Variants in ARHGAP17 observed in about 807,000 individuals in gnomAD.
The protein encoded by ARHGAP17 is Rho GTPase activating protein 17, also known as rho GTPase-activating protein 17.
In ARHGAP17, 57 loss-of-function variants were observed where a neutral mutation model predicts 99.5. The observed-to-expected ratio is 0.57, with a 90% CI of 0.46 to 0.71. ARHGAP17 has a LOEUF of 0.71. Among genes scored for constraint, ARHGAP17 ranks in the 30% least tolerant of loss-of-function variants. ARHGAP17 has a pLI of 0.00. For missense variants in ARHGAP17, 1,000 were observed against 1,122.4 expected, an observed-to-expected ratio of 0.89 and a Z score of 1.56; for synonymous variants, 417 against 429.6, an observed-to-expected ratio of 0.97 and a Z score of 0.36.
intron 1 of ARHGAP17, 55 bp from the exon 2 acceptor site, chr16:24,979,060 C>T (rs1411684148): frequency 7.8e-7 from 1 of 1,278,978 alleles, no homozygotes; most frequent in African/African-American, 1.5e-5. Context: ...AAGGCAACTC[C>T]TAAAATTTAA....
At chr16:24,941,824 T>C in intron 16 of ARHGAP17, 163 bp downstream of exon 16, 3 of 869,686 alleles carry the variant, frequency 3.4e-6, no homozygotes, top group East Asian at 5.0e-5. Context: ...GTGAGATTAG[T>C]GCTTGGAATG....
intron 14 of ARHGAP17, among the ~76,000 whole-genome samples, chr16:24,944,200 G>A (rs1279772779): frequency 3.3e-5 from 5 of 150,740 alleles, no homozygotes; most frequent in Admixed American, 6.6e-5. Context: ...GAACCCGGAA[G>A]ATGGAGGTTG....
intron 7 of ARHGAP17, among the ~76,000 whole-genome samples, chr16:24,961,380 A>T (rs1355923567): frequency 6.6e-6 from 1 of 151,696 alleles, no homozygotes; most frequent in Non-Finnish European, 1.5e-5. Context: ...GTGAACAGTG[A>T]CAGGCTGAGT....
At chr16:24,979,766 A>G (rs1053659847) in intron 1 of ARHGAP17, among the ~76,000 whole-genome samples, 3 of 152,088 alleles carry the variant, frequency 2.0e-5, no homozygotes, top group African/African-American at 7.2e-5. Context: ...ACTGGACTGC[A>G]GTGGTGTGAT....
rs151118233 is a variant in ARHGAP17 at position 24,943,419 on chromosome 16, T to C, written c.1333+352A>G. On this transcript the variant is annotated intron_variant, in intron 15 of 19. Coordinates refer to ENST00000289968, the MANE Select transcript of ARHGAP17 (RefSeq NM_001006634.3). ...TTTGTCAAATCTTTCTCCATCCACC[T>C]ATCTTCTAATGTGCCTTGTGTTATA... 2.3e-3 allele frequency among the ~76,000 whole-genome samples: 355 copies of C among 152,348 alleles called. 2 individuals carry two copies. The highest frequency in any genetic ancestry group is 8.2e-3 in the African/African-American group (341 of 41,582).
At chr16:25,010,156 G>A (rs1475838649) in intron 1 of ARHGAP17, among the ~76,000 whole-genome samples, 2 of 151,688 alleles carry the variant, frequency 1.3e-5, no homozygotes, top group East Asian at 1.9e-4. Flanking sequence ...GCTCACTGCA[G>A]CCTCGACTTT....
intron 1 of ARHGAP17, among the ~76,000 whole-genome samples, chr16:24,995,002 G>A (rs2053152661): frequency 6.6e-6 from 1 of 152,194 alleles, no homozygotes; most frequent in African/African-American, 2.4e-5. Context: ...CATGGTGGAA[G>A]GGGAAGCAAA....
At chr16:24,953,087 A>G (rs1352677594) in intron 10 of ARHGAP17, 45 bp from the exon 11 acceptor site, 1 of 1,570,752 alleles carries the variant, frequency 6.4e-7, no homozygotes. Context: ...AGGTTGGGAC[A>G]CTCAGACTAA....
intron 15 of ARHGAP17, among the ~76,000 whole-genome samples, chr16:24,942,640 T>C (rs1486753865): frequency 6.6e-6 from 1 of 150,806 alleles, no homozygotes; most frequent in Non-Finnish European, 1.5e-5. Flanking sequence ...TGGTGATGTA[T>C]GCCTGTATTC....
chr16:24,943,838 G>A lies in ARHGAP17; in HGVS notation c.1266C>T (p.Ala422=). ...NEGTLAEMAA[A]TSVHVVAVIE... ...TCACTGCAACCACATGGACGGATGT[G>A]GCTGCTGCCATTTCAGCAAGTGTTC... The change falls in exon 15 of 20, where the codon GCC becomes GCT. Residue 422 remains alanine, a synonymous_variant. Transcript: ENST00000289968. 1 of 1,614,138 alleles carries A rather than the reference G, an allele frequency of 6.2e-7. No individual in the cohort carries two copies. Among genetic ancestry groups the A allele is most frequent in the Non-Finnish European group, 8.5e-7 (1 of 1,180,014 alleles).
At chr16:24,956,114 CGT>C (rs2051800120) in intron 9 of ARHGAP17, 1 of 152,252 alleles carries the variant, frequency 6.6e-6, no homozygotes, top group Non-Finnish European at 1.5e-5. Context: ...AAAATGGCCA[CGT>C]GAGCCTTCCA....
intron 6 of ARHGAP17, 74 bp from the exon 7 acceptor site, chr16:24,964,382 G>A: frequency 2.0e-6 from 2 of 995,252 alleles, no homozygotes; most frequent in Non-Finnish European, 3.1e-6. Context: ...GGACCTGGTG[G>A]AGATAGATCC....
chr16:24,979,704 T>TTTATTATGATTA (rs2052617571), intron 1 of ARHGAP17, among the ~76,000 whole-genome samples: 1 of 150,508 alleles, frequency 6.6e-6, no homozygotes, highest in Admixed American at 6.6e-5. Flanking sequence ...TAATTTTTAT[T>TTTATTATGATTA]TTATTATTAT....
At chr16:24,981,346 G>A (rs1412047095) in intron 1 of ARHGAP17, among the ~76,000 whole-genome samples, 1 of 152,104 alleles carries the variant, frequency 6.6e-6, no homozygotes, top group Non-Finnish European at 1.5e-5. Context: ...CATAAAGATA[G>A]TCATAGTAAC....
At chr16:24,942,463 A>T (rs748831788) in intron 15 of ARHGAP17, among the ~76,000 whole-genome samples, 2 of 152,190 alleles carry the variant, frequency 1.3e-5, no homozygotes, top group Non-Finnish European at 2.9e-5. Flanking sequence ...CACTTATTTG[A>T]ATCATTCAAA....
chr16:25,005,863 C>T (rs1263226464), intron 1 of ARHGAP17, among the ~76,000 whole-genome samples: 1 of 152,180 alleles, frequency 6.6e-6, no homozygotes. Context: ...CATAATGACA[C>T]ACATTATTGC....
At chr16:24,980,816 C>A (rs1056819312) in intron 1 of ARHGAP17, among the ~76,000 whole-genome samples, 1 of 152,088 alleles carries the variant, frequency 6.6e-6, no homozygotes, top group Non-Finnish European at 1.5e-5. Context: ...CTTCCCTAGC[C>A]AAAACCCCCA....
intron 1 of ARHGAP17, among the ~76,000 whole-genome samples, chr16:24,993,740 G>A (rs570366671): frequency 6.6e-6 from 1 of 152,106 alleles, no homozygotes. Context: ...TACCTTCGAG[G>A]CCATGGACCA....
chr16:25,000,353 C>T (rs563677146), intron 1 of ARHGAP17, among the ~76,000 whole-genome samples: 3 of 152,246 alleles, frequency 2.0e-5, no homozygotes, highest in South Asian at 2.1e-4. Context: ...CACAGACGCA[C>T]GAGGTGCACA....
Sources: gnomAD v4.1 joint callset for allele counts (sites outside exome capture counted in the v4.1 genomes callset) on GRCh38, gnomAD v4.1.1 for gene constraint, MANE v1.5 for transcripts, NCBI Gene and HGNC (gene_info 2026-07-23, HGNC 2026-07-21) for gene names.